STARD13: variants seen among roughly 807,000 people sequenced by gnomAD.
The protein encoded by STARD13 is stAR-related lipid transfer protein 13.
Under a neutral mutation model 106.4 loss-of-function variants are expected in STARD13, and 62 were observed. That is an observed-to-expected ratio of 0.58 (90% CI 0.48 to 0.72). The LOEUF (loss-of-function observed/expected upper bound fraction) is 0.72. Ranked by LOEUF, STARD13 falls within the 30% of genes least tolerant of loss-of-function variation. The pLI, the probability that STARD13 is intolerant of heterozygous loss-of-function variation, is 0.00. For synonymous variants in STARD13, 565 were observed against 553.0 expected, an observed-to-expected ratio of 1.02 and a Z score of -0.31; for missense variants, 1,387 against 1,424.0, an observed-to-expected ratio of 0.97 and a Z score of 0.42.
At chr13:33,582,048 G>A in the STARD13 span, among the ~76,000 whole-genome samples, 1 of 151,472 alleles carries the variant, frequency 6.6e-6, no homozygotes, top group Admixed American at 6.6e-5. Flanking sequence ...GTGAAACCCC[G>A]TCTCTACTAA....
the STARD13 span, among the ~76,000 whole-genome samples, chr13:33,437,955 G>A: frequency 3.3e-5 from 5 of 152,094 alleles, no homozygotes; most frequent in African/African-American, 2.4e-5. Context: ...TCTCATGCAC[G>A]ATACCTGAAG....
chr13:33,331,832 C>T (rs1030018608), intron 1 of STARD13, among the ~76,000 whole-genome samples: 12 of 150,428 alleles, frequency 8.0e-5, no homozygotes, highest in Non-Finnish European at 1.2e-4. Flanking sequence ...GCTAATTTCT[C>T]CCATTTGCAT....
the STARD13 span, among the ~76,000 whole-genome samples, chr13:33,650,188 T>G: frequency 9.1e-5 from 9 of 98,670 alleles, no homozygotes; most frequent in African/African-American, 3.5e-4. Flanking sequence ...TTTTTTTTTT[T>G]TTTTTTTTTT....
At chr13:33,644,819 T>C in the STARD13 span, among the ~76,000 whole-genome samples, 1 of 152,160 alleles carries the variant, frequency 6.6e-6, no homozygotes, top group Non-Finnish European at 1.5e-5. Context: ...TCTGGACAGA[T>C]CTTAAATATG....
At chr13:33,202,877 G>T (rs1346615860) in intron 1 of STARD13, among the ~76,000 whole-genome samples, 2 of 152,148 alleles carry the variant, frequency 1.3e-5, no homozygotes, top group African/African-American at 4.8e-5. Context: ...TTCTGAGAGG[G>T]ACCTCTGGGG....
chr13:33,648,182 C>T, the STARD13 span, among the ~76,000 whole-genome samples: 1 of 152,114 alleles, frequency 6.6e-6, no homozygotes, highest in Admixed American at 6.5e-5. Context: ...ACAAAATACA[C>T]AAGATGACAT....
intron 3 of STARD13, among the ~76,000 whole-genome samples, chr13:33,158,180 A>T (rs1470451603): frequency 6.6e-6 from 1 of 151,962 alleles, no homozygotes; most frequent in African/African-American, 2.4e-5. Context: ...CTAAAATGAG[A>T]GCTAGAGAGA....
intron 3 of STARD13, among the ~76,000 whole-genome samples, chr13:33,144,442 C>T (rs1446377584): frequency 6.6e-6 from 1 of 152,226 alleles, no homozygotes; most frequent in African/African-American, 2.4e-5. Flanking sequence ...CATCAGCCTC[C>T]TAATTGGTTT....
chr13:33,567,585 C>T, the STARD13 span, among the ~76,000 whole-genome samples: 1 of 147,654 alleles, frequency 6.8e-6, no homozygotes, highest in African/African-American at 2.5e-5. Context: ...ATGAATCAAA[C>T]CCCTATTTAA....
chr13:33,659,285 G>A, the STARD13 span, among the ~76,000 whole-genome samples: 5 of 141,084 alleles, frequency 3.5e-5, no homozygotes, highest in Admixed American at 7.5e-5. Flanking sequence ...GTGCCATCTC[G>A]TCTCACTGCA....
intron 7 of STARD13, among the ~76,000 whole-genome samples, 171 bp from the exon 8 acceptor site, chr13:33,118,434 A>C (rs1875740074): frequency 6.6e-6 from 1 of 152,224 alleles, no homozygotes; most frequent in South Asian, 2.1e-4. Flanking sequence ...CTCTCCTATG[A>C]AATGAAGATA....
the STARD13 span, among the ~76,000 whole-genome samples, chr13:33,537,277 T>G: frequency 6.6e-6 from 1 of 152,250 alleles, no homozygotes; most frequent in Non-Finnish European, 1.5e-5. Flanking sequence ...AACTAAGTGA[T>G]GAGCAGAAAT....
the STARD13 span, among the ~76,000 whole-genome samples, chr13:33,672,436 A>G: frequency 6.6e-6 from 1 of 152,296 alleles, no homozygotes; most frequent in South Asian, 2.1e-4. Flanking sequence ...AACCTAGATA[A>G]TGGGTTGACA....
the STARD13 span, among the ~76,000 whole-genome samples, chr13:33,603,826 A>T: frequency 6.6e-6 from 1 of 152,148 alleles, no homozygotes; most frequent in East Asian, 1.9e-4. Flanking sequence ...GATCCCACAA[A>T]CCCCATTTAA....
upstream of STARD13, among the ~76,000 whole-genome samples, chr13:33,288,639 G>A (rs557223830): frequency 6.7e-6 from 1 of 148,546 alleles, no homozygotes; most frequent in Admixed American, 6.7e-5. Flanking sequence ...AGCCAACTTA[G>A]AATGAAGCCT....
At chr13:33,199,381 G>A (rs1440228266) in intron 1 of STARD13, among the ~76,000 whole-genome samples, 1 of 152,176 alleles carries the variant, frequency 6.6e-6, no homozygotes, top group East Asian at 1.9e-4. Context: ...TTGGCATTAA[G>A]TATACAATGT....
intron 1 of STARD13, among the ~76,000 whole-genome samples, chr13:33,207,590 G>C (rs1457986058): frequency 6.6e-6 from 1 of 152,166 alleles, no homozygotes; most frequent in African/African-American, 2.4e-5. Flanking sequence ...GAGAGATTTT[G>C]TTCAGGGTCC....
chr13:33,392,766 CT>C, the STARD13 span, among the ~76,000 whole-genome samples: 1 of 152,188 alleles, frequency 6.6e-6, no homozygotes, highest in African/African-American at 2.4e-5. Flanking sequence ...AGAGAAATAT[CT>C]TCTTAATATC....
the STARD13 span, among the ~76,000 whole-genome samples, chr13:33,607,645 GT>G: frequency 1.3e-5 from 2 of 151,844 alleles, no homozygotes; most frequent in African/African-American, 4.8e-5. Flanking sequence ...AGGTTAAAAA[GT>G]TAAACTGATT....
Sources: gnomAD v4.1 joint callset for allele counts (sites outside exome capture counted in the v4.1 genomes callset) on GRCh38, gnomAD v4.1.1 for gene constraint, MANE v1.5 for transcripts, NCBI Gene and HGNC (gene_info 2026-07-23, HGNC 2026-07-21) for gene names.